TSHZ2: variants seen among roughly 807,000 people sequenced by gnomAD.
TSHZ2 encodes teashirt homolog 2.
TSHZ2 carries 21 observed loss-of-function variants against 74.4 expected under a neutral mutation model. The observed-to-expected ratio is 0.28, with a 90% confidence interval of 0.20 to 0.41. The LOEUF is 0.41. TSHZ2 is among the 10% of genes least tolerant of loss of function. TSHZ2 has a pLI of 1.00. For missense variants in TSHZ2, 1,244 were observed against 1,293.5 expected (o/e 0.96, Z 0.59); for synonymous variants, 540 against 515.3 (o/e 1.05, Z -0.65).
chr20:53,364,449 A>G (rs189176434), intron 2 of TSHZ2, among the ~76,000 whole-genome samples: 2 of 152,028 alleles, frequency 1.3e-5, no homozygotes, highest in African/African-American at 4.8e-5. Context: ...CCCTGAAGCC[A>G]TCACTTTCTG....
At chr20:53,371,800 C>A (rs1981481195) in intron 2 of TSHZ2, among the ~76,000 whole-genome samples, 1 of 150,634 alleles carries the variant, frequency 6.6e-6, no homozygotes, top group Non-Finnish European at 1.5e-5. Flanking sequence ...TGCTTGAACC[C>A]AGGAGGCGGG....
At chr20:53,383,654 G>A (rs368280504) in intron 2 of TSHZ2, among the ~76,000 whole-genome samples, 26 of 152,050 alleles carry the variant, frequency 1.7e-4, no homozygotes, top group Non-Finnish European at 7.4e-5. Flanking sequence ...CCAGCTACTC[G>A]GGAGGCTGAA....
intron 2 of TSHZ2, among the ~76,000 whole-genome samples, chr20:53,412,057 T>C (rs1329070711): frequency 3.3e-5 from 5 of 152,238 alleles, no homozygotes; most frequent in Non-Finnish European, 7.3e-5. Context: ...TTCCCCTCCC[T>C]TGAATAAGAC....
chr20:53,174,812 G>C (rs115497295), intron 1 of TSHZ2, among the ~76,000 whole-genome samples: 2,011 of 152,238 alleles, frequency 0.013, 51 homozygotes, highest in African/African-American at 0.046. Flanking sequence ...GAGAAATGCA[G>C]CACTTTTTAA....
rs6022386 is a variant in TSHZ2, at chr20:53,317,826, C to T, written c.*8+61255C>T. On this transcript the variant is annotated intron_variant, in intron 2 of 2. Transcript: ENST00000371497. The stretch of plus-strand genomic sequence containing the variant: ...CCCATGTTCTGGAGCAAAGTATTTA[C>T]GCATCATTCCCTTACTCGGTTAATC... 4.6e-3 allele frequency among the ~76,000 whole-genome samples: 702 copies of T among 152,322 alleles called. 5 individuals carry two copies. Among genetic ancestry groups the T allele is most frequent in the African/African-American group, 0.016 (663 of 41,580 alleles).
intron 1 of TSHZ2, among the ~76,000 whole-genome samples, chr20:53,140,821 G>A (rs1448287664): frequency 6.6e-6 from 1 of 152,180 alleles, no homozygotes; most frequent in African/African-American, 2.4e-5. Flanking sequence ...AGCTTTGGGG[G>A]CAAAGCATGC....
intron 2 of TSHZ2, among the ~76,000 whole-genome samples, chr20:53,320,859 G>A (rs994525711): frequency 1.3e-5 from 2 of 152,248 alleles, no homozygotes; most frequent in African/African-American, 4.8e-5. Context: ...GCTTAAGCAA[G>A]ACCTTGTGCC....
intron 2 of TSHZ2, among the ~76,000 whole-genome samples, chr20:53,297,864 A>C (rs1991408552): frequency 6.6e-6 from 1 of 152,352 alleles, no homozygotes; most frequent in South Asian, 2.1e-4. Flanking sequence ...CATGTGACCT[A>C]TTTGAATATC....
At position 53,255,975 on chromosome 20, in the gene TSHZ2, T is replaced by C. The variant is rs1410450099; in HGVS notation, c.2517T>C (p.His839=). The C allele has an allele frequency of 1.2e-6, 2 of 1,613,818 alleles. No homozygotes were observed. Among genetic ancestry groups the C allele is most frequent in the Admixed American group, 1.7e-5 (1 of 59,998 alleles). ...EDVSSEVSTL[H]KRKGRQSNWN... is the part of the protein sequence containing the mutation. ...TCTCCAGTGAAGTCTCAACTTTGCA[T>C]AAAAGAAAAGGCCGGCAGTCCAACT... is the stretch of plus-strand genomic sequence containing the variant. Residue 839 remains histidine (H), a synonymous_variant, in exon 2 of 3, where the codon CAT becomes CAC. Coordinates refer to ENST00000371497, the MANE Select transcript of TSHZ2 (RefSeq NM_173485.6). This position sits in a 1 kb window ranked among gnomAD's most constrained non-coding sequence, Gnocchi z 4.1.
intron 1 of TSHZ2, among the ~76,000 whole-genome samples, chr20:53,163,125 A>C (rs1241843800): frequency 6.6e-6 from 1 of 152,148 alleles, no homozygotes; most frequent in Non-Finnish European, 1.5e-5. Flanking sequence ...TTATTGTTTC[A>C]AATGATGTGA....
At chr20:53,463,052 G>T (rs1306760894) in intron 2 of TSHZ2, among the ~76,000 whole-genome samples, 1 of 152,166 alleles carries the variant, frequency 6.6e-6, no homozygotes, top group East Asian at 1.9e-4. Context: ...AACAGCTATT[G>T]TTGTTATCAC....
Position 53,490,815 on chromosome 20 carries a change from T to G in TSHZ2, c.*3680T>G, listed in dbSNP as rs1265814128. ...TGTGAAGACAGTGTGCATGCATGAG[T>G]GTGTATTCATATATATGTGTATACA... On this transcript the variant is annotated 3_prime_UTR_variant, in exon 3 of 3. Transcript: ENST00000371497. The G allele has an allele frequency of 4.6e-5, 7 of 152,254 alleles. No individual in the cohort carries two copies. Among genetic ancestry groups the G allele is most frequent in the Admixed American group, 4.6e-4 (7 of 15,284 alleles). 9.4% of individuals were successfully genotyped at this position (152,254 alleles called of 1,614,324 possible).
At chr20:53,038,171 G>C (rs947037541) in intron 1 of TSHZ2, among the ~76,000 whole-genome samples, 3 of 113,204 alleles carry the variant, frequency 2.7e-5, no homozygotes, top group African/African-American at 3.5e-5. Flanking sequence ...CAGCCTGGGC[G>C]ACAAGAGCGG....
At chr20:53,259,919 A>T (rs1466128719) in intron 2 of TSHZ2, among the ~76,000 whole-genome samples, 1 of 152,232 alleles carries the variant, frequency 6.6e-6, no homozygotes, top group Non-Finnish European at 1.5e-5. Flanking sequence ...AGTTGGGAAG[A>T]ACAAAATAGC....
chr20:53,052,853 T>C (rs1413753962), intron 1 of TSHZ2, among the ~76,000 whole-genome samples: 2 of 152,206 alleles, frequency 1.3e-5, no homozygotes, highest in African/African-American at 4.8e-5. Flanking sequence ...GCCTGTTAGA[T>C]TGCATTTCTT....
At chr20:53,173,909 T>G (rs966649833) in intron 1 of TSHZ2, among the ~76,000 whole-genome samples, 2 of 152,186 alleles carry the variant, frequency 1.3e-5, no homozygotes, top group South Asian at 4.1e-4. Context: ...CTGTGTGTAG[T>G]GTGTGTGTTT....
chr20:53,091,213 C>T (rs955764030), intron 1 of TSHZ2, among the ~76,000 whole-genome samples: 26 of 152,198 alleles, frequency 1.7e-4, no homozygotes, highest in African/African-American at 6.3e-4. Context: ...ATACACTGTT[C>T]AAATTCATTT....
chr20:53,056,479 G>A (rs1984643867), intron 1 of TSHZ2, among the ~76,000 whole-genome samples: 1 of 152,188 alleles, frequency 6.6e-6, no homozygotes, highest in South Asian at 2.1e-4. Flanking sequence ...TATTTGTCAA[G>A]TAAAGAAAGA....
At chr20:53,472,779 G>A (rs1466214353) in intron 2 of TSHZ2, among the ~76,000 whole-genome samples, 1 of 150,698 alleles carries the variant, frequency 6.6e-6, no homozygotes, top group African/African-American at 2.5e-5. Flanking sequence ...GCAGACAGTG[G>A]GCGCAGGTCA....
Sources: allele counts gnomAD v4.1 joint callset (sites outside exome capture counted in the v4.1 genomes callset), GRCh38; gene constraint gnomAD v4.1.1; non-coding constraint Gnocchi (gnomAD v3.1); transcripts MANE v1.5; gene names NCBI Gene and HGNC (gene_info 2026-07-23, HGNC 2026-07-21).